The following RUNX1 variants were observed in gnomAD, a reference collection of about 807,000 sequenced individuals.
RUNX1 encodes the protein RUNX family transcription factor 1, also known as runt-related transcription factor 1.
A neutral mutation model predicts 42.8 loss-of-function variants in RUNX1; 19 were observed. That is an observed-to-expected ratio of 0.44 (90% CI 0.31 to 0.65). The LOEUF is 0.65. Ranked by LOEUF, RUNX1 falls within the 30% of genes least tolerant of loss-of-function variation. RUNX1 has a pLI of 0.07. For missense variants in RUNX1, 528 were observed against 672.0 expected (o/e 0.79, Z 2.37); for synonymous variants, 271 against 289.4 (o/e 0.94, Z 0.64).
chr21:34,921,456 A>G (rs2058353382), intron 2 of RUNX1, among the ~76,000 whole-genome samples: 1 of 152,216 alleles, frequency 6.6e-6, no homozygotes, highest in Non-Finnish European at 1.5e-5. Flanking sequence ...ATATTGTAGC[A>G]TAAGTCCCTC....
chr21:34,961,700 C>G (rs1414114394), intron 2 of RUNX1, among the ~76,000 whole-genome samples: 1 of 152,150 alleles, frequency 6.6e-6, no homozygotes, highest in Non-Finnish European at 1.5e-5. Flanking sequence ...AGGTGAGCAA[C>G]AATTTTAGTC....
At chr21:34,893,893 A>G (rs533363821) in intron 2 of RUNX1, among the ~76,000 whole-genome samples, 59 of 152,222 alleles carry the variant, frequency 3.9e-4, no homozygotes, top group African/African-American at 1.4e-3. Flanking sequence ...ATTTTTGCCA[A>G]AGTAAAAGGA....
chr21:34,856,403 ACTC>A (rs1465962052), intron 6 of RUNX1: 2 of 518,852 alleles, frequency 3.9e-6, no homozygotes, highest in Non-Finnish European at 7.7e-6. Flanking sequence ...ATATAAGCCA[ACTC>A]CTCATTTTAA....
At chr21:34,823,454 T>A (rs2056940806) in intron 7 of RUNX1, among the ~76,000 whole-genome samples, 1 of 65,370 alleles carries the variant, frequency 1.5e-5, no homozygotes, top group African/African-American at 3.8e-5. Context: ...TTTTTTTTTT[T>A]TTTTTTCAGA....
intron 7 of RUNX1, among the ~76,000 whole-genome samples, chr21:34,832,739 G>A (rs530524784): frequency 1.3e-5 from 2 of 151,788 alleles, no homozygotes; most frequent in Admixed American, 6.6e-5. Flanking sequence ...TACCATATAC[G>A]CTTGTATTTT....
intron 7 of RUNX1, chr21:34,821,645 G>C: frequency 6.4e-7 from 1 of 1,565,124 alleles, no homozygotes; most frequent in South Asian, 1.2e-5. Flanking sequence ...GGAGAGGGAT[G>C]GACAGAAGAA....
chr21:35,015,123 G>A (rs910035761), intron 2 of RUNX1, among the ~76,000 whole-genome samples: 2 of 152,186 alleles, frequency 1.3e-5, no homozygotes, highest in Non-Finnish European at 2.9e-5. Context: ...AACTGCCCAG[G>A]TTCATTCACC....
Position 34,930,270 on chromosome 21 carries a change from G to GTGTATATA in RUNX1, c.59-37308_59-37307insTATATACA, listed in dbSNP as rs372412304. On this transcript the variant is annotated intron_variant, in intron 2 of 8. Coordinates refer to ENST00000675419, the MANE Select transcript of RUNX1 (RefSeq NM_001754.5). Reference sequence around the variant, plus strand: ...ATGTATATTATACGTGTGTGTGTATGTATATATATATATATATATATAAAT... The same window carrying GTGTATATA: ...ATGTATATTATACGTGTGTGTGTATGTGTATATATATATATATATATATATATATAAAT... Among the ~76,000 whole-genome samples, 370 of 122,832 alleles carry GTGTATATA rather than the reference G, an allele frequency of 3.0e-3. 2 individuals are homozygous for GTGTATATA. The highest frequency in any genetic ancestry group is 0.013 in the Middle Eastern group (3 of 238). 80.6% of individuals were successfully genotyped at this position (122,832 alleles called of 152,430 possible).
intron 2 of RUNX1, among the ~76,000 whole-genome samples, chr21:35,013,094 A>G (rs9979870): frequency 1.2e-3 from 188 of 152,364 alleles, no homozygotes; most frequent in African/African-American, 4.3e-3. Flanking sequence ...GTGAACGTCC[A>G]TGTTATCGCA....
intron 2 of RUNX1, among the ~76,000 whole-genome samples, chr21:34,940,236 T>C (rs2058516892): frequency 6.6e-6 from 1 of 152,180 alleles, no homozygotes; most frequent in Non-Finnish European, 1.5e-5. Flanking sequence ...TAATGCTTTA[T>C]GAGGAAAATT....
intron 2 of RUNX1, chr21:35,038,603 C>CTGTG (rs1225064508): frequency 1.0e-4 from 33 of 319,306 alleles, no homozygotes; most frequent in Admixed American, 2.5e-4. Context: ...CTCTCTCTCT[C>CTGTG]TCTCTCTCTC....
chr21:34,904,186 C>A (rs1465409841), intron 2 of RUNX1, among the ~76,000 whole-genome samples: 1 of 151,996 alleles, frequency 6.6e-6, no homozygotes, highest in Non-Finnish European at 1.5e-5. Context: ...AAAATACTAC[C>A]ATTTAAAACT....
At chr21:34,989,587 A>C (rs1224638887) in intron 2 of RUNX1, among the ~76,000 whole-genome samples, 1 of 152,046 alleles carries the variant, frequency 6.6e-6, no homozygotes, top group Admixed American at 6.5e-5. Context: ...CTCTCCTCCT[A>C]GTCTACTTGG....
At chr21:35,049,129 A>C in intron 1 of RUNX1, 39 bp downstream of exon 1, 2 of 509,032 alleles carry the variant, frequency 3.9e-6, no homozygotes, top group Non-Finnish European at 7.1e-6. Flanking sequence ...AAAAAAAAAA[A>C]AGCCAGCGCC....
chr21:34,856,407 C>T (rs548489024), intron 6 of RUNX1: 3 of 518,970 alleles, frequency 5.8e-6, no homozygotes, highest in South Asian at 4.2e-5. Context: ...AAGCCAACTC[C>T]TCATTTTAAA....
intron 2 of RUNX1, among the ~76,000 whole-genome samples, chr21:35,007,389 CA>C (rs1366805194): frequency 6.6e-6 from 1 of 152,100 alleles, no homozygotes; most frequent in Non-Finnish European, 1.5e-5. Flanking sequence ...TGCTCTCCCC[CA>C]GCCCCACCCC....
At chr21:34,830,029 A>G (rs1197880167) in intron 7 of RUNX1, 1 of 152,262 alleles carries the variant, frequency 6.6e-6, no homozygotes, top group Non-Finnish European at 1.5e-5. Flanking sequence ...ACCAGAATAT[A>G]GTCCTTCCTA....
intron 2 of RUNX1, among the ~76,000 whole-genome samples, chr21:34,894,922 C>CACACAT (rs910161480): frequency 7.2e-6 from 1 of 139,114 alleles, no homozygotes; most frequent in South Asian, 2.2e-4. Flanking sequence ...CACACACACA[C>CACACAT]ACACACATAT....
intron 3 of RUNX1, chr21:34,887,384 A>G (rs936686059): frequency 7.1e-7 from 1 of 1,410,800 alleles, no homozygotes; most frequent in Non-Finnish European, 9.2e-7. Flanking sequence ...TAAAAAGTGG[A>G]GACTATCTTC....
Sources: gnomAD v4.1 joint callset for allele counts (sites outside exome capture counted in the v4.1 genomes callset) on GRCh38, gnomAD v4.1.1 for gene constraint, MANE v1.5 for transcripts, NCBI Gene and HGNC (gene_info 2026-07-23, HGNC 2026-07-21) for gene names.